Variants in INTS9 observed in about 807,000 individuals in gnomAD.
The protein encoded by INTS9 is protein related to CPSF subunits of 74 kDa.
INTS9 carries 55 observed loss-of-function variants against 79.7 expected under a neutral mutation model. The ratio of observed to expected loss-of-function variants is 0.69; its 90% confidence interval spans 0.56 to 0.86. INTS9 has a LOEUF of 0.86. Ranked by LOEUF, INTS9 falls within the 40% of genes least tolerant of loss-of-function variation. INTS9 has a pLI of 0.00. For synonymous variants in INTS9, 319 were observed against 325.2 expected, an observed-to-expected ratio of 0.98 and a Z score of 0.20; for missense variants, 721 against 831.5, an observed-to-expected ratio of 0.87 and a Z score of 1.64.
chr8:28,867,531 TA>T (rs766435433), intron 1 of INTS9, among the ~76,000 whole-genome samples: 3,371 of 117,344 alleles, frequency 0.029, 72 homozygotes, highest in African/African-American at 0.07. Flanking sequence ...GAGCTGAGAT[TA>T]AAAAAAAAAA....
At chr8:28,781,886 G>C (rs1803286331) in intron 11 of INTS9, among the ~76,000 whole-genome samples, 1 of 152,112 alleles carries the variant, frequency 6.6e-6, no homozygotes, top group East Asian at 1.9e-4. Flanking sequence ...CAAAACCATA[G>C]AAAGCACAAC....
At chr8:28,865,327 T>A (rs1208015218) in intron 1 of INTS9, among the ~76,000 whole-genome samples, 1 of 151,890 alleles carries the variant, frequency 6.6e-6, no homozygotes, top group Non-Finnish European at 1.5e-5. Context: ...GATTTATAAA[T>A]AAACCTAGAA....
At chr8:28,886,828 T>G (rs1810197199) in intron 1 of INTS9, among the ~76,000 whole-genome samples, 1 of 152,214 alleles carries the variant, frequency 6.6e-6, no homozygotes, top group South Asian at 2.1e-4. Context: ...GATCAAAGGA[T>G]TAAATGGGAA....
chr8:28,820,749 T>C (rs1452287118), intron 6 of INTS9, among the ~76,000 whole-genome samples: 1 of 152,188 alleles, frequency 6.6e-6, no homozygotes, highest in Non-Finnish European at 1.5e-5. Flanking sequence ...TACTGAAGAC[T>C]GAGTTTCAGA....
intron 11 of INTS9, among the ~76,000 whole-genome samples, chr8:28,785,865 A>C (rs1303799966): frequency 1.3e-5 from 2 of 152,098 alleles, no homozygotes; most frequent in Admixed American, 6.5e-5. Context: ...ACAGCACAGG[A>C]TTCATTCCAG....
Position 28,859,526 on chromosome 8 carries a change from A to G in INTS9, c.47T>C (p.Val16Ala). ...LSGHPTLPCN[V>A]LKFKSTTIML... ...AATGGTGGTTGATTTGAATTTGAGC[A>G]CATTGCATGGTAAGGTTGGGTGCCC... Residue 16 changes from valine (V) to alanine (A), a missense_variant, in exon 2 of 17, where the codon GTG (valine) becomes GCG (alanine). By Grantham distance (64) the Val-to-Ala change is moderately conservative (BLOSUM62 0). This residue lies in a region of INTS9 where 291 missense variants were observed against 307.0 expected (regional missense o/e 0.95). Transcript: ENST00000521022. 6.2e-7 allele frequency: 1 copy of G among 1,614,158 alleles called. No individual in the cohort carries two copies. The highest frequency in any genetic ancestry group is 8.5e-7 in the Non-Finnish European group (1 of 1,179,968).
intron 3 of INTS9, 41 bp downstream of exon 3, chr8:28,850,172 C>A (rs183378878): frequency 6.5e-7 from 1 of 1,538,906 alleles, no homozygotes; most frequent in East Asian, 2.3e-5. Context: ...TAGCTTTCCA[C>A]TGGCTGTAGA....
At chr8:28,862,257 A>G (rs1483429348) in intron 1 of INTS9, 1 of 970,310 alleles carries the variant, frequency 1.0e-6, no homozygotes, top group East Asian at 1.1e-4. Context: ...AAAATTATCT[A>G]CAATCACACC....
At chr8:28,820,644 A>C (rs1017642196) in intron 6 of INTS9, among the ~76,000 whole-genome samples, 2 of 152,072 alleles carry the variant, frequency 1.3e-5, no homozygotes, top group African/African-American at 4.8e-5. Flanking sequence ...GTAGCTTTGC[A>C]AAAGTGACTT....
chr8:28,775,887 G>C lies in INTS9; in HGVS notation c.1435C>G (p.Pro479Ala). ...VVCPEQYTQP[P>A]PAQSHRMDLM... is the part of the protein sequence containing the mutation. ...TCCATCCTGTGGGACTGGGCTGGGG[G>C]CGGCTGAGTGTACTGCTCAGGACAC... is the stretch of plus-strand genomic sequence containing the variant. Residue 479 changes from proline to alanine, a missense_variant, in exon 14 of 17, where the codon CCC becomes GCC. By Grantham distance (27) the Pro-to-Ala change is conservative. Coordinates refer to ENST00000521022, the MANE Select transcript of INTS9 (RefSeq NM_018250.4). 6.2e-7 allele frequency: 1 copy of C among 1,606,690 alleles called. No individual in the cohort carries two copies. Among genetic ancestry groups the C allele is most frequent in the South Asian group, 1.1e-5 (1 of 89,810 alleles).
chr8:28,778,158 G>C (rs577283315), intron 12 of INTS9, among the ~76,000 whole-genome samples: 65 of 152,288 alleles, frequency 4.3e-4, no homozygotes, highest in Middle Eastern at 3.4e-3. Context: ...CCAAGCTTCA[G>C]CAGAGGCAGA....
chr8:28,810,967 A>G (rs1805079043), intron 8 of INTS9, among the ~76,000 whole-genome samples: 1 of 152,046 alleles, frequency 6.6e-6, no homozygotes. Context: ...CTTGGACCTC[A>G]CTGCTGACCT....
intron 1 of INTS9, among the ~76,000 whole-genome samples, chr8:28,876,075 G>A (rs555835754): frequency 1.3e-5 from 2 of 152,156 alleles, no homozygotes; most frequent in East Asian, 3.9e-4. Flanking sequence ...TTTTTTTTGG[G>A]GGGTGTGTGT....
At chr8:28,869,934 T>C (rs371772212) in intron 1 of INTS9, among the ~76,000 whole-genome samples, 3 of 151,456 alleles carry the variant, frequency 2.0e-5, no homozygotes, top group Admixed American at 6.6e-5. Context: ...TCCATGAAAA[T>C]GAGACAAGCA....
intron 14 of INTS9, among the ~76,000 whole-genome samples, chr8:28,771,365 A>G (rs756391196): frequency 6.6e-6 from 1 of 152,008 alleles, no homozygotes; most frequent in East Asian, 1.9e-4. Context: ...TCTCTTCCTG[A>G]AAGTCTGACT....
intron 2 of INTS9, among the ~76,000 whole-genome samples, chr8:28,857,868 C>A (rs1290338241): frequency 6.6e-6 from 1 of 152,182 alleles, no homozygotes; most frequent in Middle Eastern, 3.4e-3. Context: ...ATAGAGAGGG[C>A]CAGGAATACC....
chr8:28,797,614 A>G (rs1413687703), intron 8 of INTS9, among the ~76,000 whole-genome samples: 1 of 152,240 alleles, frequency 6.6e-6, no homozygotes, highest in Non-Finnish European at 1.5e-5. Context: ...ATTGTTTTCA[A>G]AGCATTTCAA....
intron 11 of INTS9, among the ~76,000 whole-genome samples, chr8:28,781,439 G>A (rs1028701099): frequency 1.3e-5 from 2 of 152,138 alleles, no homozygotes; most frequent in South Asian, 4.2e-4. Flanking sequence ...ACTGCTGGTG[G>A]GAATGCAAAA....
intron 1 of INTS9, among the ~76,000 whole-genome samples, chr8:28,862,482 C>T (rs1200663056): frequency 6.6e-6 from 1 of 152,152 alleles, no homozygotes; most frequent in East Asian, 1.9e-4. Flanking sequence ...TTTCCTGTCA[C>T]CCTACTATCA....
Sources: gnomAD v4.1 joint callset for allele counts (sites outside exome capture counted in the v4.1 genomes callset) on GRCh38, gnomAD v4.1.1 for gene constraint, gnomAD v4.1.1 regional missense constraint, MANE v1.5 for transcripts, NCBI Gene and HGNC (gene_info 2026-07-23, HGNC 2026-07-21) for gene names.